The following BCORL1 variants were observed in gnomAD, a reference collection of about 807,000 sequenced individuals.
BCORL1 encodes the protein BCL6 corepressor like 1, also known as BCL-6 corepressor-like protein 1.
In BCORL1, 7 loss-of-function variants were observed where a neutral mutation model predicts 87.6. The observed-to-expected ratio is 0.08, with a 90% CI of 0.05 to 0.15. The LOEUF (loss-of-function observed/expected upper bound fraction) is 0.15. Among genes scored for constraint, BCORL1 ranks in the 10% least tolerant of loss-of-function variants. The pLI, the probability that BCORL1 is intolerant of heterozygous loss-of-function variation, is 1.00. For missense variants in BCORL1, 1,215 were observed against 1,499.7 expected (o/e 0.81, Z 3.13); for synonymous variants, 591 against 634.4 (o/e 0.93, Z 1.03).
chrX:130,034,472 C>T lies in BCORL1; in HGVS notation c.4323C>T (p.Ser1441=). ...CTTTCCAGGGCAAAGGTCGTTGGAG[C>T]CAGCAGAAGACACGATCTCCCAAAT... is the stretch of plus-strand genomic sequence containing the variant. ...SEEAKGKGRW[S]QQKTRSPKSP... Residue 1441 remains serine, a synonymous_variant, in exon 9 of 14, where the codon AGC becomes AGT. Coordinates refer to ENST00000540052, the MANE Select transcript of BCORL1 (RefSeq NM_001379451.1). 2 of 982,781 alleles carry T rather than the reference C, an allele frequency of 2.0e-6. No individual in the cohort carries two copies. Among genetic ancestry groups the T allele is most frequent in the South Asian group, 4.0e-5 (2 of 50,529 alleles). The allele number at this position is 982,781 out of a possible 1,213,427, so 81.0% of individuals were successfully genotyped here.
rs112656449 is a variant in BCORL1 at position 130,041,190 on chromosome X, C to T, written c.4840+1908C>T. ...GTTTGAGACCAGCCTGGGCAACATACGGAGACCTTGTCTCTACAAAAAAAT... is the reference window on the plus strand; with the variant it reads ...GTTTGAGACCAGCCTGGGCAACATATGGAGACCTTGTCTCTACAAAAAAAT... On this transcript the variant is annotated intron_variant, in intron 11 of 13. Transcript: ENST00000540052. Among the ~76,000 whole-genome samples the T allele has an allele frequency of 8.3e-3, 876 of 104,975 alleles. 4 individuals are homozygous for T. The highest frequency in any genetic ancestry group is 0.019 in the Middle Eastern group (4 of 209). 91.2% of individuals were successfully genotyped at this position (104,975 alleles called of 115,157 possible).
intron 2 of BCORL1, among the ~76,000 whole-genome samples, chrX:130,009,388 A>T (rs1352753264): frequency 9.3e-6 from 1 of 107,364 alleles, no homozygotes; most frequent in African/African-American, 3.4e-5. Flanking sequence ...CGGGAGGCAG[A>T]GGTTGCAGTG....
chrX:130,028,842 C>T lies in BCORL1; in HGVS notation c.4286C>T (p.Thr1429Ile), dbSNP rs753854481. The change falls in exon 8 of 14, where the codon ACC becomes ATC. Residue 1429 changes from threonine to isoleucine, a missense_variant. Thr to Ile is a moderately conservative substitution (Grantham distance 89). Around this residue, in one of 5 missense-constraint regions of BCORL1, gnomAD observed 166 missense variants for 196.5 expected, o/e 0.84. Transcript: ENST00000540052. Reference protein sequence around the residue: ...KRKCKTKHMATVSEEAKGKGR... With the variant: ...KRKCKTKHMAIVSEEAKGKGR... ...AAGTGCAAGACCAAGCACATGGCAACCGTCTCAGAAGAGGCAAAGGTGTGT... is the reference window on the plus strand; with the variant it reads ...AAGTGCAAGACCAAGCACATGGCAATCGTCTCAGAAGAGGCAAAGGTGTGT... 1.7e-6 allele frequency: 2 copies of T among 1,200,876 alleles called. No individual in the cohort carries two copies. The highest frequency in any genetic ancestry group is 3.0e-5 in the East Asian group (1 of 33,490).
intron 6 of BCORL1, 75 bp from the exon 7 acceptor site, chrX:130,024,915 C>G: frequency 8.7e-7 from 1 of 1,151,181 alleles, no homozygotes; most frequent in South Asian, 2.0e-5. Flanking sequence ...ACTCCTAGTC[C>G]AGGGCATTCA....
chrX:130,052,159 G>A (rs1231308083), intron 13 of BCORL1, 143 bp downstream of exon 13: 8 of 553,297 alleles, frequency 1.4e-5, no homozygotes, highest in Non-Finnish European at 2.2e-5. Context: ...TTAGCCCAGA[G>A]TAGTCATGTT....
Position 130,022,227 on chromosome X carries a change from T to G in BCORL1, c.3608-670T>G, listed in dbSNP as rs1457811479. Reference sequence around the variant, plus strand: ...CAGTTAGAACTTTGTTTATTTTCTTTCTTTCTTTCTTTTTTTTTTTTTTTT... The same window carrying G: ...CAGTTAGAACTTTGTTTATTTTCTTGCTTTCTTTCTTTTTTTTTTTTTTTT... On this transcript the variant is annotated intron_variant, in intron 5 of 13. Transcript: ENST00000540052. Among the ~76,000 whole-genome samples, 3 of 99,403 alleles carry G rather than the reference T, an allele frequency of 3.0e-5. No homozygotes were observed. The East Asian group carries it at 8.8e-4, about 29-fold the overall frequency. 86.3% of individuals were successfully genotyped at this position (99,403 alleles called of 115,157 possible). A position where few individuals can be genotyped will look rare whatever the true frequency, so the allele number is the denominator to read the frequency against.
At chrX:130,055,766 C>G (rs1057104095) in intron 13 of BCORL1, 88 bp from the exon 14 acceptor site, 8 of 973,975 alleles carry the variant, frequency 8.2e-6, no homozygotes, top group African/African-American at 1.9e-5. Context: ...GGTCGTGCAG[C>G]CTTTGTGGGC....
chrX:130,009,901 TC>T (rs1569364397), intron 2 of BCORL1, among the ~76,000 whole-genome samples: 1 of 111,106 alleles, frequency 9.0e-6, no homozygotes, highest in Non-Finnish European at 1.9e-5. Context: ...CCGGGCCCCC[TC>T]CCCTGCAAGT....
Position 130,015,845 on chromosome X carries a change from G to A in BCORL1, c.3073G>A (p.Val1025Met), listed in dbSNP as rs754777298. 7.4e-6 allele frequency: 9 copies of A among 1,211,955 alleles called. No individual in the cohort carries two copies. The highest frequency in any genetic ancestry group is 3.0e-5 in the East Asian group (1 of 33,851). ...CCACCCCAAGGAACTTATATTGGACGTGGTTCCGAGCAGCAGGAGGGGCTC... is the reference window on the plus strand; with the variant it reads ...CCACCCCAAGGAACTTATATTGGACATGGTTCCGAGCAGCAGGAGGGGCTC... ...DSHPKELILD[V>M]VPSSRRGSST... The change falls in exon 4 of 14, where the codon GTG becomes ATG. Residue 1025 changes from valine (V) to methionine (M), a missense_variant. By Grantham distance (21) the Val-to-Met change is conservative. Around this residue, in one of 5 missense-constraint regions of BCORL1, gnomAD observed 861 missense variants for 1,010.0 expected, o/e 0.85. Coordinates refer to ENST00000540052, the MANE Select transcript of BCORL1 (RefSeq NM_001379451.1).
intron 11 of BCORL1, among the ~76,000 whole-genome samples, chrX:130,045,553 T>C (rs2124563364): frequency 9.0e-6 from 1 of 111,162 alleles, no homozygotes; most frequent in East Asian, 2.8e-4. Context: ...GGTAGCCTCT[T>C]GAATTGAGGT....
Position 130,056,030 on chromosome X carries a change from A to G in BCORL1, c.5252A>G (p.Asp1751Gly). Residue 1751 changes from aspartate to glycine, a missense_variant, in exon 14 of 14, where the codon GAC becomes GGC. Asp to Gly is a moderately conservative substitution (Grantham distance 94). Coordinates refer to ENST00000540052, the MANE Select transcript of BCORL1 (RefSeq NM_001379451.1). ...TPAERPGGLD[D>G]RSPPGSSETV... Reference sequence around the variant, plus strand: ...GCCGAGAGGCCTGGAGGCTTGGACGACAGATCCCCCCCAGGCTCCTCTGAG... The same window carrying G: ...GCCGAGAGGCCTGGAGGCTTGGACGGCAGATCCCCCCCAGGCTCCTCTGAG... 1 of 1,212,009 alleles carries G rather than the reference A, an allele frequency of 8.3e-7. No individual in the cohort carries two copies. The highest frequency in any genetic ancestry group is 1.1e-6 in the Non-Finnish European group (1 of 895,519).
intron 11 of BCORL1, among the ~76,000 whole-genome samples, chrX:130,043,272 C>T (rs943831444): frequency 9.0e-6 from 1 of 111,250 alleles, no homozygotes; most frequent in African/African-American, 3.3e-5. Flanking sequence ...TCAAGTGATC[C>T]GCCTCCCTTG....
chrX:129,999,363 C>T (rs1272006053), intron 1 of BCORL1, among the ~76,000 whole-genome samples: 4 of 86,343 alleles, frequency 4.6e-5, no homozygotes, highest in African/African-American at 1.9e-4. Flanking sequence ...GGCTGGAGTG[C>T]AGTGGCGCCA....
intron 10 of BCORL1, 126 bp downstream of exon 10, chrX:130,037,659 A>C (rs1931039256): frequency 1.2e-6 from 1 of 802,083 alleles, no homozygotes; most frequent in East Asian, 3.5e-5. Context: ...TTGGGAGGCC[A>C]AGGCGGGCGG....
intron 11 of BCORL1, among the ~76,000 whole-genome samples, chrX:130,043,784 A>ATTTTTTTT (rs1163098654): frequency 1.3e-4 from 2 of 15,974 alleles, no homozygotes; most frequent in African/African-American, 4.7e-4. Context: ...ATATATATAT[A>ATTTTTTTT]TTTTTTTTTT....
upstream of BCORL1, among the ~76,000 whole-genome samples, chrX:129,980,427 G>T (rs1203285288): frequency 8.9e-6 from 1 of 112,805 alleles, no homozygotes; most frequent in African/African-American, 3.2e-5. Flanking sequence ...GTGGGGGAAC[G>T]GTGCGGCCCT....
chrX:130,031,771 G>A (rs979093096), intron 8 of BCORL1, among the ~76,000 whole-genome samples: 1 of 111,267 alleles, frequency 9.0e-6, no homozygotes, highest in East Asian at 2.8e-4. Flanking sequence ...GTGCCAGAGC[G>A]AGACTCTGTC....
Position 130,014,584 on chromosome X carries a change from G to A in BCORL1, c.1812G>A (p.Pro604=), listed in dbSNP as rs757991341. The A allele has an allele frequency of 1.6e-5, 19 of 1,209,465 alleles. 1 individual carries two copies. In the South Asian group the frequency reaches 3.3e-4, roughly 21 times the overall value. ...TSVTFSPLKS[P]PQLEREMASP... The stretch of plus-strand genomic sequence containing the variant: ...TTACCTTCTCTCCTCTTAAGTCACC[G>A]CCACAGCTGGAACGAGAGATGGCCT... Residue 604 remains proline (P), a synonymous_variant, in exon 4 of 14, where the codon CCG becomes CCA. Coordinates refer to ENST00000540052, the MANE Select transcript of BCORL1 (RefSeq NM_001379451.1).
rs902670972 is a variant in BCORL1 at position 129,986,846 on chromosome X, C to A, written c.-45+4084C>A. On this transcript the variant is annotated intron_variant, in intron 1 of 13. Transcript: ENST00000540052. ...AAACAAAAACAAAAAAACAAAAAAA[C>A]AAAAAAAGAAAAAAGAAAAAAATGT... Among the ~76,000 whole-genome samples, 21 of 108,856 alleles carry A rather than the reference C, an allele frequency of 1.9e-4. No homozygotes were observed. In the Middle Eastern group the frequency reaches 0.014, roughly 72 times the overall value. The allele number at this position is 108,856 out of a possible 115,157, so 94.5% of individuals were successfully genotyped here.
Sources: gnomAD v4.1 joint callset for allele counts (sites outside exome capture counted in the v4.1 genomes callset) on GRCh38, gnomAD v4.1.1 for gene constraint, gnomAD v4.1.1 regional missense constraint, MANE v1.5 for transcripts, NCBI Gene and HGNC (gene_info 2026-07-23, HGNC 2026-07-21) for gene names.